Variants in CHN2 observed in about 807,000 individuals in gnomAD.
The protein encoded by CHN2 is beta-chimaerin.
Under a neutral mutation model 56.3 loss-of-function variants are expected in CHN2, and 35 were observed. The observed-to-expected ratio is 0.62, with a 90% confidence interval of 0.47 to 0.82. The LOEUF is 0.82. Ranked by LOEUF, CHN2 falls within the 40% of genes least tolerant of loss-of-function variation. The probability of loss-of-function intolerance (pLI) is 0.00; values close to 1 mark genes in which losing one functional copy is unlikely to be tolerated. For missense variants in CHN2, 491 were observed against 580.5 expected (o/e 0.85, Z 1.58); for synonymous variants, 210 against 212.8 (o/e 0.99, Z 0.12).
At chr7:29,198,403 C>T (rs1467670530) in intron 1 of CHN2, among the ~76,000 whole-genome samples, 7 of 152,186 alleles carry the variant, frequency 4.6e-5, no homozygotes, top group Non-Finnish European at 8.8e-5. Flanking sequence ...GTCATTTATT[C>T]TATGGTACCA....
chr7:29,334,117 T>A (rs985161442), intron 1 of CHN2, among the ~76,000 whole-genome samples: 9 of 149,018 alleles, frequency 6.0e-5, no homozygotes, highest in Non-Finnish European at 1.5e-5. Context: ...AGTGGCGCGA[T>A]CTCGGCTCAC....
At chr7:29,511,316 T>TTAGA (rs1043845502) in intron 12 of CHN2, among the ~76,000 whole-genome samples, 8 of 152,204 alleles carry the variant, frequency 5.3e-5, no homozygotes, top group Non-Finnish European at 1.2e-4. Context: ...CAAGTAATTT[T>TTAGA]TAGATAATAA....
intron 1 of CHN2, among the ~76,000 whole-genome samples, chr7:29,291,543 A>C (rs573774806): frequency 6.6e-6 from 1 of 152,082 alleles, no homozygotes. Flanking sequence ...AAAATCTACC[A>C]TGGACATATT....
chr7:29,283,922 CTTTTTTTTTTTTTT>C (rs70980520), intron 1 of CHN2, among the ~76,000 whole-genome samples: 26 of 69,998 alleles, frequency 3.7e-4, no homozygotes, highest in African/African-American at 1.5e-3. Flanking sequence ...CAGCCAAGCT[CTTTTTTTTTTTTTT>C]TTTTTTTTTT....
intron 1 of CHN2, among the ~76,000 whole-genome samples, chr7:29,343,478 T>C (rs1797196641): frequency 6.6e-6 from 1 of 152,172 alleles, no homozygotes; most frequent in African/African-American, 2.4e-5. Context: ...CAATTTCTAC[T>C]TGACCTTCAC....
At chr7:29,433,566 G>C (rs917754376) in intron 6 of CHN2, among the ~76,000 whole-genome samples, 1 of 152,218 alleles carries the variant, frequency 6.6e-6, no homozygotes, top group African/African-American at 2.4e-5. Flanking sequence ...GCCGGGTGCA[G>C]TGACTCACGC....
At chr7:29,341,533 A>G (rs986226) in intron 1 of CHN2, among the ~76,000 whole-genome samples, 36,997 of 151,544 alleles carry the variant, frequency 0.24, 4,885 homozygotes, top group Non-Finnish European at 0.3. Flanking sequence ...AAGAGTTGCA[A>G]GTAGTACCTG....
At chr7:29,266,533 A>G (rs1395905232) in intron 1 of CHN2, among the ~76,000 whole-genome samples, 2 of 152,188 alleles carry the variant, frequency 1.3e-5, no homozygotes, top group East Asian at 1.9e-4. Context: ...TCTAGCATTT[A>G]TTGATCGTTT....
At chr7:29,480,894 G>GT (rs149571909) in intron 7 of CHN2, among the ~76,000 whole-genome samples, 14,296 of 152,232 alleles carry the variant, frequency 0.094, 860 homozygotes, top group East Asian at 0.2. Flanking sequence ...GGCTAGCAGG[G>GT]GGGGCACCCT....
At chr7:29,291,870 T>G (rs996490432) in intron 1 of CHN2, among the ~76,000 whole-genome samples, 8 of 152,214 alleles carry the variant, frequency 5.3e-5, no homozygotes, top group Non-Finnish European at 1.2e-4. Flanking sequence ...CCGAATGTTT[T>G]CCACACTAAA....
chr7:29,507,200 A>C (rs1160343180), intron 10 of CHN2, 28 bp from the exon 11 acceptor site: 2 of 1,576,768 alleles, frequency 1.3e-6, no homozygotes, highest in Non-Finnish European at 1.7e-6. Flanking sequence ...GGTCCTAATT[A>C]GGACTTGGAT....
At chr7:29,336,238 A>G (rs1173444754) in intron 1 of CHN2, 1 of 152,172 alleles carries the variant, frequency 6.6e-6, no homozygotes, top group Non-Finnish European at 1.5e-5. Flanking sequence ...GTATTTGGCT[A>G]TGTAAGACAG....
intron 1 of CHN2, among the ~76,000 whole-genome samples, chr7:29,205,803 TG>T (rs2128773461): frequency 6.6e-6 from 1 of 152,258 alleles, no homozygotes; most frequent in South Asian, 2.1e-4. Flanking sequence ...TCTAGAGGAA[TG>T]GTTCTTTATT....
At chr7:29,435,369 G>T (rs1783142094) in intron 6 of CHN2, among the ~76,000 whole-genome samples, 1 of 152,176 alleles carries the variant, frequency 6.6e-6, no homozygotes, top group Non-Finnish European at 1.5e-5. Flanking sequence ...TACTGTGGGG[G>T]TCACATGTCA....
At chr7:29,495,911 ACT>A (rs781486952) in intron 7 of CHN2, 39 bp from the exon 8 acceptor site, 12 of 1,566,482 alleles carry the variant, frequency 7.7e-6, no homozygotes, top group Admixed American at 1.7e-5. Context: ...CCTTTAAATG[ACT>A]CTGAGCTTTC....
chr7:29,398,808 C>T (rs1801976984), intron 5 of CHN2, among the ~76,000 whole-genome samples: 1 of 150,152 alleles, frequency 6.7e-6, no homozygotes, highest in Non-Finnish European at 1.5e-5. Flanking sequence ...CACCATGTTG[C>T]CCGGGCTGGT....
intron 6 of CHN2, among the ~76,000 whole-genome samples, chr7:29,462,642 G>C (rs1015290418): frequency 6.6e-6 from 1 of 152,184 alleles, no homozygotes; most frequent in Admixed American, 6.5e-5. Context: ...CCTTGGGATA[G>C]TTGAACTTTT....
At chr7:29,317,580 C>G (rs369931373) in intron 1 of CHN2, among the ~76,000 whole-genome samples, 1 of 152,188 alleles carries the variant, frequency 6.6e-6, no homozygotes, top group South Asian at 2.1e-4. Flanking sequence ...AAGCACTGCC[C>G]CAGAGTTGCT....
intron 2 of CHN2, among the ~76,000 whole-genome samples, chr7:29,355,448 G>T (rs768226709): frequency 2.0e-5 from 3 of 152,122 alleles, no homozygotes; most frequent in Admixed American, 1.3e-4. Context: ...AACAGATCCT[G>T]CCTGATCATC....
Sources: allele counts gnomAD v4.1 joint callset (sites outside exome capture counted in the v4.1 genomes callset), GRCh38; gene constraint gnomAD v4.1.1; transcripts MANE v1.5; gene names NCBI Gene and HGNC (gene_info 2026-07-23, HGNC 2026-07-21).